KCNH8: variants seen among roughly 807,000 people sequenced by gnomAD.
KCNH8 encodes the protein potassium voltage-gated channel subfamily H member 8.
In KCNH8, 70 loss-of-function variants were observed where a neutral mutation model predicts 103.6. The ratio of observed to expected loss-of-function variants is 0.68; its 90% confidence interval spans 0.56 to 0.82. The LOEUF is 0.82. KCNH8 is among the 40% of genes least tolerant of loss of function. The probability of loss-of-function intolerance (pLI) is 0.00; values close to 1 mark genes in which losing one functional copy is unlikely to be tolerated. For synonymous variants in KCNH8, 498 were observed against 489.4 expected (o/e 1.02, Z -0.23); for missense variants, 1,217 against 1,329.9 (o/e 0.92, Z 1.32).
chr3:19,328,558 G>T (rs2065462808), intron 3 of KCNH8, among the ~76,000 whole-genome samples: 2 of 151,986 alleles, frequency 1.3e-5, no homozygotes, highest in Admixed American at 1.3e-4. Context: ...TTTGCTTTTA[G>T]GGCCATTTTT....
chr3:19,375,785 G>C (rs956250352), intron 5 of KCNH8, among the ~76,000 whole-genome samples: 1 of 151,714 alleles, frequency 6.6e-6, no homozygotes, highest in Non-Finnish European at 1.5e-5. Context: ...TGGGTTTTTG[G>C]TGTGGATGTC....
intron 3 of KCNH8, among the ~76,000 whole-genome samples, chr3:19,311,543 C>G (rs1194595871): frequency 6.6e-6 from 1 of 151,152 alleles, no homozygotes; most frequent in Non-Finnish European, 1.5e-5. Flanking sequence ...ACATTTTTTG[C>G]CTCTTGGCTG....
intron 1 of KCNH8, among the ~76,000 whole-genome samples, chr3:19,154,164 C>T (rs935539824): frequency 6.6e-6 from 1 of 152,076 alleles, no homozygotes; most frequent in Non-Finnish European, 1.5e-5. Context: ...TCTGAGAGGG[C>T]TTCATATAAT....
intron 5 of KCNH8, among the ~76,000 whole-genome samples, chr3:19,386,048 G>C (rs968116064): frequency 6.6e-6 from 1 of 151,986 alleles, no homozygotes; most frequent in Non-Finnish European, 1.5e-5. Context: ...ACTAATTTTT[G>C]CCATATTAAA....
chr3:19,456,264 T>G (rs1322995589), intron 10 of KCNH8, among the ~76,000 whole-genome samples: 1 of 152,078 alleles, frequency 6.6e-6, no homozygotes, highest in Non-Finnish European at 1.5e-5. Flanking sequence ...GACATACATA[T>G]TTATGAAAAA....
rs540946405 is a variant in KCNH8, at chr3:19,238,103, T to C, written c.77-15551T>C. ...CGTCAGAAGTCATCTAGGCTGTTTC[T>C]GCACCTCATGGTAGTCTGCTTTCTG... On this transcript the variant is annotated intron_variant, in intron 1 of 15. Coordinates refer to ENST00000328405, the MANE Select transcript of KCNH8 (RefSeq NM_144633.3). Among the ~76,000 whole-genome samples, 121 of 152,346 alleles carry C rather than the reference T, an allele frequency of 7.9e-4. 1 individual carries two copies. Among genetic ancestry groups the C allele is most frequent in the African/African-American group, 2.7e-3 (113 of 41,584 alleles).
chr3:19,461,519 G>A (rs2067627924), intron 11 of KCNH8, among the ~76,000 whole-genome samples: 1 of 152,246 alleles, frequency 6.6e-6, no homozygotes, highest in Non-Finnish European at 1.5e-5. Flanking sequence ...AGTCACACAG[G>A]ATTTTCTGTG....
intron 10 of KCNH8, among the ~76,000 whole-genome samples, 160 bp from the exon 11 acceptor site, chr3:19,456,608 G>A (rs1056778837): frequency 2.0e-5 from 3 of 151,900 alleles, no homozygotes; most frequent in African/African-American, 7.2e-5. Context: ...GCCCAGGTAT[G>A]ATGCTATTGT....
In KCNH8 at chr3:19,221,565, G is replaced by GT. The variant is rs898583180; in HGVS notation, c.77-32080dup. On this transcript the variant is annotated intron_variant, in intron 1 of 15. Coordinates refer to ENST00000328405, the MANE Select transcript of KCNH8 (RefSeq NM_144633.3). The stretch of plus-strand genomic sequence containing the variant: ...GTTCATCTTCACTCCTAATTTATTT[G>GT]TTTTTTTTTCTTACAGAATTTTTCC... 4.9e-3 allele frequency among the ~76,000 whole-genome samples: 733 copies of GT among 149,490 alleles called. 6 individuals are homozygous for GT. The highest frequency in any genetic ancestry group is 0.017 in the African/African-American group (675 of 40,784).
intron 3 of KCNH8, among the ~76,000 whole-genome samples, chr3:19,340,251 T>G (rs2065640428): frequency 6.6e-6 from 1 of 152,076 alleles, no homozygotes; most frequent in Non-Finnish European, 1.5e-5. Context: ...GCTTTTATAA[T>G]AGTAGAGAGA....
chr3:19,502,419 C>A lies in KCNH8; in HGVS notation c.2041-7944C>A, dbSNP rs546387198. 3.9e-4 allele frequency among the ~76,000 whole-genome samples: 59 copies of A among 151,662 alleles called. 3 individuals carry two copies. The South Asian group carries it at 0.012, about 30-fold the overall frequency. On this transcript the variant is annotated intron_variant, in intron 11 of 15. Transcript: ENST00000328405. ...ACTTTCTTCACAGAATTGGAAAAAA[C>A]TACTTTAAAGTTCATATGGAACCGA... is the stretch of plus-strand genomic sequence containing the variant.
At chr3:19,500,939 A>C (rs575601043) in intron 11 of KCNH8, among the ~76,000 whole-genome samples, 1 of 152,324 alleles carries the variant, frequency 6.6e-6, no homozygotes, top group East Asian at 1.9e-4. Context: ...AGCAGAACTG[A>C]AGGAAATAGA....
At chr3:19,372,959 G>A (rs1198052661) in intron 5 of KCNH8, among the ~76,000 whole-genome samples, 1 of 151,890 alleles carries the variant, frequency 6.6e-6, no homozygotes, top group East Asian at 1.9e-4. Context: ...CAGGGATGAA[G>A]CCCACTTGAT....
intron 1 of KCNH8, 110 bp from the exon 2 acceptor site, chr3:19,253,544 G>A (rs1460405441): frequency 1.2e-6 from 1 of 824,954 alleles, no homozygotes; most frequent in Non-Finnish European, 2.0e-6. Context: ...ACATCAGAAT[G>A]TGCCTTTTGG....
chr3:19,509,421 C>T (rs556335991), intron 11 of KCNH8, among the ~76,000 whole-genome samples: 1 of 152,048 alleles, frequency 6.6e-6, no homozygotes, highest in East Asian at 1.9e-4. Context: ...GCATCTATTA[C>T]CACATTAAAA....
At chr3:19,329,929 T>C (rs1273091817) in intron 3 of KCNH8, among the ~76,000 whole-genome samples, 2 of 151,980 alleles carry the variant, frequency 1.3e-5, no homozygotes, top group African/African-American at 4.8e-5. Context: ...CTTTTTTTTT[T>C]TCCTTCTAAC....
intron 1 of KCNH8, among the ~76,000 whole-genome samples, chr3:19,248,404 T>G (rs1480860599): frequency 1.3e-5 from 2 of 152,148 alleles, no homozygotes; most frequent in Non-Finnish European, 2.9e-5. Flanking sequence ...ATTTTCTGCA[T>G]GAAATTAGAA....
intron 1 of KCNH8, among the ~76,000 whole-genome samples, chr3:19,168,935 A>C (rs1575409495): frequency 6.6e-6 from 1 of 152,266 alleles, no homozygotes; most frequent in Non-Finnish European, 1.5e-5. Context: ...GGCCTACCAC[A>C]TACCTCTCCT....
At chr3:19,363,230 G>A (rs1203219823) in intron 5 of KCNH8, among the ~76,000 whole-genome samples, 2 of 152,130 alleles carry the variant, frequency 1.3e-5, no homozygotes, top group Non-Finnish European at 2.9e-5. Flanking sequence ...TTTATCTGCA[G>A]TACTCTAGGG....
Sources: allele counts gnomAD v4.1 joint callset (sites outside exome capture counted in the v4.1 genomes callset), GRCh38; gene constraint gnomAD v4.1.1; transcripts MANE v1.5; gene names NCBI Gene and HGNC (gene_info 2026-07-23, HGNC 2026-07-21).